IQUB: variants seen among roughly 807,000 people sequenced by gnomAD.
IQUB encodes the protein IQ motif and ubiquitin domain containing.
Under a neutral mutation model 86.4 loss-of-function variants are expected in IQUB, and 86 were observed. The ratio of observed to expected loss-of-function variants is 1.00; its 90% CI spans 0.84 to 1.19. The LOEUF is 1.19. Ranked by LOEUF, IQUB falls within the 50% of genes most tolerant of loss-of-function variation. The probability of loss-of-function intolerance (pLI) is 0.00; values close to 1 mark genes in which losing one functional copy is unlikely to be tolerated. For missense variants in IQUB, 946 were observed against 916.9 expected (o/e 1.03, Z -0.41); for synonymous variants, 289 against 304.5 (o/e 0.95, Z 0.53).
At chr7:123,475,561 G>C (rs1406532935) in intron 8 of IQUB, among the ~76,000 whole-genome samples, 2 of 152,038 alleles carry the variant, frequency 1.3e-5, no homozygotes, top group Non-Finnish European at 2.9e-5. Flanking sequence ...TGCTAGACAT[G>C]GGGACTGGGG....
intron 9 of IQUB, among the ~76,000 whole-genome samples, chr7:123,467,869 C>T (rs1182567945): frequency 6.6e-6 from 1 of 152,152 alleles, no homozygotes; most frequent in Non-Finnish European, 1.5e-5. Flanking sequence ...GTCCTAATTC[C>T]TGGAGGAAAA....
intron 9 of IQUB, among the ~76,000 whole-genome samples, 174 bp downstream of exon 9, chr7:123,469,037 TTTA>T (rs765781960): frequency 1.2e-4 from 18 of 152,234 alleles, no homozygotes; most frequent in Non-Finnish European, 2.4e-4. Context: ...TATATTTACA[TTTA>T]TTATGTATTA....
At chr7:123,481,944 G>A (rs1362135705) in intron 7 of IQUB, among the ~76,000 whole-genome samples, 1 of 151,924 alleles carries the variant, frequency 6.6e-6, no homozygotes. Flanking sequence ...AGATAATTTT[G>A]TAGAATTCTA....
chr7:123,506,939 G>C (rs865873148), intron 3 of IQUB, among the ~76,000 whole-genome samples: 3 of 152,100 alleles, frequency 2.0e-5, no homozygotes, highest in South Asian at 4.2e-4. Flanking sequence ...CCAGCCACTG[G>C]TGTATTCAGA....
intron 9 of IQUB, among the ~76,000 whole-genome samples, chr7:123,466,923 T>G (rs1447355260): frequency 6.6e-6 from 1 of 152,126 alleles, no homozygotes; most frequent in Non-Finnish European, 1.5e-5. Context: ...GTATAAACTT[T>G]AGTTAATACC....
intron 7 of IQUB, among the ~76,000 whole-genome samples, chr7:123,482,709 G>T (rs1584584476): frequency 6.6e-6 from 1 of 152,006 alleles, no homozygotes; most frequent in African/African-American, 2.4e-5. Context: ...TCAAAAGTAG[G>T]AGGGATTTAT....
intron 11 of IQUB, 22 bp from the exon 12 acceptor site, chr7:123,457,588 A>G (rs755913216): frequency 6.4e-7 from 1 of 1,558,556 alleles, no homozygotes; most frequent in East Asian, 2.3e-5. Context: ...AGCAAGTTTT[A>G]AAAACAATGT....
At chr7:123,454,221 C>T (rs1032024323) in intron 12 of IQUB, among the ~76,000 whole-genome samples, 1 of 152,052 alleles carries the variant, frequency 6.6e-6, no homozygotes, top group Non-Finnish European at 1.5e-5. Flanking sequence ...AAAACTAACA[C>T]ACTTTATTAT....
At chr7:123,534,411 G>A (rs1004617377) in intron 1 of IQUB, 81 bp downstream of exon 1, 2 of 152,546 alleles carry the variant, frequency 1.3e-5, no homozygotes, top group African/African-American at 2.4e-5. Flanking sequence ...ACAGAACCCA[G>A]AGTCCAGCGC....
At chr7:123,459,676 T>C (rs1793894045) in intron 11 of IQUB, 1 of 151,982 alleles carries the variant, frequency 6.6e-6, no homozygotes, top group Non-Finnish European at 1.5e-5. Flanking sequence ...ACATTTTCTA[T>C]TGGTTCTGTT....
intron 5 of IQUB, 66 bp downstream of exon 5, chr7:123,502,878 G>C: frequency 1.4e-6 from 2 of 1,431,938 alleles, no homozygotes; most frequent in South Asian, 2.7e-5. Flanking sequence ...AAATTTGAGA[G>C]AGTCATACAG....
intron 1 of IQUB, among the ~76,000 whole-genome samples, chr7:123,529,208 G>A (rs574975891): frequency 7.8e-4 from 118 of 152,036 alleles, no homozygotes; most frequent in African/African-American, 2.8e-3. Flanking sequence ...ATCTTTCCAG[G>A]AATTGTCTAT....
At chr7:123,510,451 C>T (rs1289838877) in intron 2 of IQUB, among the ~76,000 whole-genome samples, 3 of 151,870 alleles carry the variant, frequency 2.0e-5, no homozygotes, top group Non-Finnish European at 4.4e-5. Flanking sequence ...TGGCTCAATC[C>T]CCTCTAGAAA....
At position 123,509,900 on chromosome 7, in the gene IQUB, C is replaced by G. The variant is rs750161704; in HGVS notation, c.532+1G>C. ...TATGTTTTATTAGCCTCCAAACTTA[C>G]CTGAGTATCTTATCTGCAGTACAGA... On this transcript the variant is annotated splice_donor_variant, in intron 3 of 12. Coordinates refer to ENST00000324698, the MANE Select transcript of IQUB (RefSeq NM_178827.5). LOFTEE classifies it high-confidence loss of function. 5 of 1,599,380 alleles carry G rather than the reference C, an allele frequency of 3.1e-6. No individual in the cohort carries two copies. In the Admixed American group the frequency reaches 5.3e-5, roughly 17 times the overall value.
rs371847604 is a variant in IQUB at position 123,523,272 on chromosome 7, C to G, written c.-4-10928G>C. 4.7e-4 allele frequency among the ~76,000 whole-genome samples: 65 copies of G among 139,624 alleles called. 2 individuals carry two copies. The highest frequency in any genetic ancestry group is 2.2e-3 in the Admixed American group (30 of 13,762). The allele number at this position is 139,624 out of a possible 152,430, so 91.6% of individuals were successfully genotyped here. A position where few individuals can be genotyped will look rare whatever the true frequency, so the allele number is the denominator to read the frequency against. On this transcript the variant is annotated intron_variant, in intron 1 of 12. Coordinates refer to ENST00000324698, the MANE Select transcript of IQUB (RefSeq NM_178827.5). ...TTCTAGTTCTAGATCCCTGAGGAAT[C>G]GCCACACTGACTTCCACAATGGTCA...
intron 1 of IQUB, among the ~76,000 whole-genome samples, chr7:123,526,439 T>G: frequency 6.6e-6 from 1 of 152,248 alleles, no homozygotes. Context: ...ATTGATCCCT[T>G]TACCATTAAG....
intron 3 of IQUB, among the ~76,000 whole-genome samples, chr7:123,506,952 T>C (rs755104708): frequency 6.6e-6 from 1 of 152,164 alleles, no homozygotes; most frequent in Non-Finnish European, 1.5e-5. Context: ...TATTCAGAAA[T>C]TGACTAATTT....
intron 8 of IQUB, among the ~76,000 whole-genome samples, chr7:123,477,026 C>T (rs986891624): frequency 6.6e-6 from 1 of 151,938 alleles, no homozygotes; most frequent in African/African-American, 2.4e-5. Flanking sequence ...GGTAATTTAT[C>T]GATTCAATGC....
At chr7:123,525,071 A>T (rs1797127218) in intron 1 of IQUB, among the ~76,000 whole-genome samples, 1 of 152,216 alleles carries the variant, frequency 6.6e-6, no homozygotes, top group African/African-American at 2.4e-5. Flanking sequence ...ATGTTGGATA[A>T]GCTTTTTCAT....
Sources: allele counts gnomAD v4.1 joint callset (sites outside exome capture counted in the v4.1 genomes callset), GRCh38; gene constraint gnomAD v4.1.1; transcripts MANE v1.5; gene names NCBI Gene and HGNC (gene_info 2026-07-23, HGNC 2026-07-21).